The following PTPRN2 variants were observed in gnomAD, a reference collection of about 807,000 sequenced individuals.
PTPRN2 encodes the protein receptor-type tyrosine-protein phosphatase N2.
PTPRN2 carries 74 observed loss-of-function variants against 118.8 expected under a neutral mutation model. The observed-to-expected ratio is 0.62, with a 90% CI of 0.52 to 0.76. PTPRN2 has a LOEUF of 0.76. Among genes scored for constraint, PTPRN2 ranks in the 30% least tolerant of loss-of-function variants. PTPRN2 has a pLI of 0.00. For synonymous variants in PTPRN2, 641 were observed against 608.0 expected, an observed-to-expected ratio of 1.05 and a Z score of -0.80; for missense variants, 1,481 against 1,394.4, an observed-to-expected ratio of 1.06 and a Z score of -0.99.
At chr7:157,754,896 GTTGT>G (rs1801690425) in intron 12 of PTPRN2, among the ~76,000 whole-genome samples, 1 of 152,180 alleles carries the variant, frequency 6.6e-6, no homozygotes, top group Non-Finnish European at 1.5e-5. Context: ...TTTTGTTGTT[GTTGT>G]TTGAGACAGA....
intron 2 of PTPRN2, among the ~76,000 whole-genome samples, chr7:158,448,375 A>C (rs1452846776): frequency 1.3e-5 from 2 of 152,196 alleles, no homozygotes. Flanking sequence ...AAAACCCCCC[A>C]AAAAGAGAAG....
At chr7:157,656,818 T>C (rs1806132103) in intron 13 of PTPRN2, among the ~76,000 whole-genome samples, 1 of 135,562 alleles carries the variant, frequency 7.4e-6, no homozygotes, top group African/African-American at 2.7e-5. Context: ...CAAACACACA[T>C]ACACACACAC....
chr7:158,159,573 C>T (rs1451050806), intron 6 of PTPRN2, among the ~76,000 whole-genome samples: 3 of 152,160 alleles, frequency 2.0e-5, no homozygotes, highest in African/African-American at 7.2e-5. Context: ...AGGGTTCTAA[C>T]AGGTTGGTTA....
rs1824740879 is a variant in PTPRN2, at chr7:158,525,896, G to C, written c.113-36111C>G. Reference sequence around the variant, plus strand: ...GCCTCCCCTCACAGACCTCAGACCTGTCCCAGAGCCCTGACAGGAAGACCC... The same window carrying C: ...GCCTCCCCTCACAGACCTCAGACCTCTCCCAGAGCCCTGACAGGAAGACCC... On this transcript the variant is annotated intron_variant, in intron 1 of 22. Coordinates refer to ENST00000389418, the MANE Select transcript of PTPRN2 (RefSeq NM_002847.5). The surrounding 1 kb of genome is among the most constrained non-coding windows in gnomAD (Gnocchi z 4.1). 6.6e-6 allele frequency among the ~76,000 whole-genome samples: 1 copy of C among 152,136 alleles called. No individual in the cohort carries two copies. The highest frequency in any genetic ancestry group is 6.5e-5 in the Admixed American group (1 of 15,272).
At chr7:158,148,448 C>G (rs1421064249) in intron 6 of PTPRN2, among the ~76,000 whole-genome samples, 25 of 134,780 alleles carry the variant, frequency 1.9e-4, no homozygotes, top group African/African-American at 6.8e-4. Flanking sequence ...GACACCCCAT[C>G]TCATGCCACA....
rs927528897 is a variant in PTPRN2 at position 157,869,675 on chromosome 7, C to T, written c.1788+28998G>A. On this transcript the variant is annotated intron_variant, in intron 12 of 22. Coordinates refer to ENST00000389418, the MANE Select transcript of PTPRN2 (RefSeq NM_002847.5). This position sits in a 1 kb window ranked among gnomAD's most constrained non-coding sequence, Gnocchi z 4.2. ...GAAGTGAGAAGGAGCCAAACCAGGA[C>T]TGTAGGGGGATGCCTCATGAGTTCT... 6.6e-6 allele frequency among the ~76,000 whole-genome samples: 1 copy of T among 152,108 alleles called. No homozygotes were observed. The highest frequency in any genetic ancestry group is 1.5e-5 in the Non-Finnish European group (1 of 68,022).
At chr7:157,920,612 A>G (rs1798646112) in intron 11 of PTPRN2, among the ~76,000 whole-genome samples, 1 of 152,248 alleles carries the variant, frequency 6.6e-6, no homozygotes, top group Admixed American at 6.5e-5. Context: ...GCCAAAAGTT[A>G]AGAGTCAGCC....
Position 158,253,545 on chromosome 7 carries a change from C to A in PTPRN2, c.278-48272G>T, listed in dbSNP as rs567713617. 3.9e-5 allele frequency among the ~76,000 whole-genome samples: 6 copies of A among 152,296 alleles called. No individual in the cohort carries two copies. The East Asian group carries it at 1.2e-3, about 30-fold the overall frequency. On this transcript the variant is annotated intron_variant, in intron 3 of 22. Coordinates refer to ENST00000389418, the MANE Select transcript of PTPRN2 (RefSeq NM_002847.5). ...GGGGCAGCCCCGGGTCTCCAGAGCACACGCCAGACTCCCGAAACCCAGGCC... is the reference window on the plus strand; with the variant it reads ...GGGGCAGCCCCGGGTCTCCAGAGCAAACGCCAGACTCCCGAAACCCAGGCC...
intron 11 of PTPRN2, among the ~76,000 whole-genome samples, chr7:157,969,213 G>A (rs949478607): frequency 6.6e-6 from 1 of 151,942 alleles, no homozygotes; most frequent in Non-Finnish European, 1.5e-5. Flanking sequence ...AGGCTAAAGC[G>A]ATCTGCCTGC....
intron 12 of PTPRN2, among the ~76,000 whole-genome samples, chr7:157,820,730 G>T (rs1253042319): frequency 6.6e-6 from 1 of 152,254 alleles, no homozygotes; most frequent in Non-Finnish European, 1.5e-5. Context: ...GGAGGCTGAG[G>T]AACCTCAGAG....
rs148125237 is a variant in PTPRN2 at position 158,300,838 on chromosome 7, C to T, written c.277+15981G>A. ...ATGTGTGAGCAAAGGTGGAGAATCT[C>T]GGTGGACAGGGGCTGTTTCATGAAG... On this transcript the variant is annotated intron_variant, in intron 3 of 22. Transcript: ENST00000389418. 9.4e-3 allele frequency among the ~76,000 whole-genome samples: 1,419 copies of T among 151,636 alleles called. 26 individuals are homozygous for T. The highest frequency in any genetic ancestry group is 0.033 in the African/African-American group (1,347 of 41,328).
At chr7:158,374,051 G>A (rs140769514) in intron 2 of PTPRN2, among the ~76,000 whole-genome samples, 2,558 of 152,306 alleles carry the variant, frequency 0.017, 81 homozygotes, top group African/African-American at 0.059. Context: ...ACGCCCACGC[G>A]CCCGGCACTG....
At position 157,977,980 on chromosome 7, in the gene PTPRN2, C is replaced by T. The variant is rs138524761; in HGVS notation, c.1724-79243G>A. Among the ~76,000 whole-genome samples, 1,734 of 151,994 alleles carry T rather than the reference C, an allele frequency of 0.011. 77 individuals are homozygous for T. The highest frequency in any genetic ancestry group is 0.062 in the Admixed American group (940 of 15,266). On this transcript the variant is annotated intron_variant, in intron 11 of 22. Transcript: ENST00000389418. This position sits in a 1 kb window ranked among gnomAD's most constrained non-coding sequence, Gnocchi z 4.6. ...CAGGCACCTTTGGTAACTAGGCCCA[C>T]AACAGATCCTGAACTCCCTGTACGT...
rs10949716 is a variant in PTPRN2, at chr7:158,324,577, A to C, written c.164-7645T>G. 7.3e-5 allele frequency among the ~76,000 whole-genome samples: 11 copies of C among 151,496 alleles called. No homozygotes were observed. In the East Asian group the frequency reaches 2.2e-3, roughly 30 times the overall value. On this transcript the variant is annotated intron_variant, in intron 2 of 22. Transcript: ENST00000389418. ...TCAGGTGGCCATGCGCCTCCACCCC[A>C]TCCCGTACTGTCTCTCTGCTTGGGC... is the stretch of plus-strand genomic sequence containing the variant.
chr7:158,483,048 G>A (rs1450757495), intron 2 of PTPRN2, among the ~76,000 whole-genome samples: 1 of 152,186 alleles, frequency 6.6e-6, no homozygotes, highest in Non-Finnish European at 1.5e-5. Flanking sequence ...AGGCCTTGCT[G>A]AGCCCTTCAG....
In PTPRN2 at chr7:158,237,738, T is replaced by TTACC. The variant is rs1795616193; in HGVS notation, c.278-32466_278-32465insGGTA. On this transcript the variant is annotated intron_variant, in intron 3 of 22. Transcript: ENST00000389418. ...CTTACGAGAAACACCCACAGGTGTG[T>TTACC]AGGGGCAACCCACCCCTACACTCTG... Among the ~76,000 whole-genome samples, 2 of 8,930 alleles carry TTACC rather than the reference T, an allele frequency of 2.2e-4. 1 individual carries two copies. The highest frequency in any genetic ancestry group is 3.5e-4 in the Non-Finnish European group (2 of 5,754). The allele number at this position is 8,930 out of a possible 152,430, so 5.9% of individuals were successfully genotyped here.
At chr7:158,387,822 G>C (rs572417089) in intron 2 of PTPRN2, among the ~76,000 whole-genome samples, 4 of 152,090 alleles carry the variant, frequency 2.6e-5, no homozygotes, top group Non-Finnish European at 4.4e-5. Flanking sequence ...TGTGGGATTC[G>C]GACAAGAGGC....
At chr7:158,070,720 GGT>G in intron 11 of PTPRN2, among the ~76,000 whole-genome samples, 2 of 131,368 alleles carry the variant, frequency 1.5e-5, no homozygotes, top group African/African-American at 3.3e-5. Context: ...AGGTGCCTGT[GGT>G]GTGGAGGTGC....
chr7:158,036,628 A>T, intron 11 of PTPRN2, among the ~76,000 whole-genome samples: 1 of 152,230 alleles, frequency 6.6e-6, no homozygotes, highest in East Asian at 1.9e-4. Context: ...GTTCTACTCC[A>T]TGTAATTCAC....
Sources: allele counts gnomAD v4.1 joint callset (sites outside exome capture counted in the v4.1 genomes callset), GRCh38; gene constraint gnomAD v4.1.1; non-coding constraint Gnocchi (gnomAD v3.1); transcripts MANE v1.5; gene names NCBI Gene and HGNC (gene_info 2026-07-23, HGNC 2026-07-21).